Variants in BBS9 observed in about 807,000 individuals in gnomAD.
BBS9 encodes protein PTHB1.
A neutral mutation model predicts 117.7 loss-of-function variants in BBS9; 89 were observed. That is an observed-to-expected ratio of 0.76 (90% confidence interval 0.64 to 0.90). The LOEUF (loss-of-function observed/expected upper bound fraction) is 0.90. BBS9 is among the 40% of genes least tolerant of loss of function. BBS9 has a pLI of 0.00. For synonymous variants in BBS9, 379 were observed against 370.9 expected, an observed-to-expected ratio of 1.02 and a Z score of -0.25; for missense variants, 982 against 1,042.2, an observed-to-expected ratio of 0.94 and a Z score of 0.80.
At chr7:33,152,949 A>T in intron 3 of BBS9, 98 bp downstream of exon 3, 1 of 1,371,762 alleles carries the variant, frequency 7.3e-7, no homozygotes, top group South Asian at 1.2e-5. Flanking sequence ...TCCATGAATT[A>T]AATATATTTT....
Position 33,259,425 on chromosome 7 carries a change from G to A in BBS9, c.617+2015G>A, listed in dbSNP as rs555733376. On this transcript the variant is annotated intron_variant, in intron 6 of 22. Transcript: ENST00000242067. ...CCCCTAGATTTCTTTTAATAGGTTA[G>A]GGGATAAGACCCAGAAATCATCATT... 5.9e-5 allele frequency among the ~76,000 whole-genome samples: 9 copies of A among 152,248 alleles called. No individual in the cohort carries two copies. In the South Asian group the frequency reaches 1.9e-3, roughly 32 times the overall value.
chr7:33,444,242 A>G (rs1352063296), intron 19 of BBS9, among the ~76,000 whole-genome samples: 3 of 152,218 alleles, frequency 2.0e-5, no homozygotes, highest in African/African-American at 4.8e-5. Context: ...GCATCTTGAT[A>G]CCTCAAGGAT....
At chr7:33,334,444 T>C (rs1386554617) in intron 9 of BBS9, among the ~76,000 whole-genome samples, 1 of 152,058 alleles carries the variant, frequency 6.6e-6, no homozygotes, top group African/African-American at 2.4e-5. Flanking sequence ...TGAGGACTCA[T>C]TGGGTTCGTA....
intron 1 of BBS9, among the ~76,000 whole-genome samples, chr7:33,132,826 A>C (rs369642042): frequency 6.6e-6 from 1 of 152,098 alleles, no homozygotes; most frequent in Non-Finnish European, 1.5e-5. Context: ...TTTATGGCTA[A>C]TTTTTCATTT....
chr7:33,201,536 C>T (rs1785863167), intron 5 of BBS9, among the ~76,000 whole-genome samples: 1 of 152,108 alleles, frequency 6.6e-6, no homozygotes, highest in Non-Finnish European at 1.5e-5. Flanking sequence ...TTTCAGAATT[C>T]TGTGGGGTGA....
chr7:33,386,652 A>G (rs548876905), intron 18 of BBS9, among the ~76,000 whole-genome samples: 9 of 151,546 alleles, frequency 5.9e-5, no homozygotes, highest in Middle Eastern at 3.4e-3. Context: ...CACCACGCCC[A>G]GCTAATTTTT....
intron 5 of BBS9, among the ~76,000 whole-genome samples, chr7:33,246,938 G>A (rs1422045970): frequency 6.6e-6 from 1 of 152,106 alleles, no homozygotes; most frequent in Non-Finnish European, 1.5e-5. Flanking sequence ...TTTGAGGAAA[G>A]TTAACTTAAA....
chr7:33,378,540 C>T (rs1197596157), intron 17 of BBS9, among the ~76,000 whole-genome samples: 1 of 152,138 alleles, frequency 6.6e-6, no homozygotes, highest in East Asian at 1.9e-4. Flanking sequence ...TTTCGGAGAG[C>T]TCATAGGCCC....
chr7:33,406,781 G>A (rs1584697390), intron 19 of BBS9, among the ~76,000 whole-genome samples: 1 of 152,286 alleles, frequency 6.6e-6, no homozygotes, highest in South Asian at 2.1e-4. Context: ...CTTCTGGCTT[G>A]TAGAGTTTCC....
intron 19 of BBS9, among the ~76,000 whole-genome samples, chr7:33,396,836 C>T (rs1382277999): frequency 3.9e-5 from 6 of 152,130 alleles, no homozygotes. Context: ...ATAGAGAACT[C>T]AGAAATAAGA....
chr7:33,390,482 G>T (rs909384892), intron 19 of BBS9: 6 of 977,716 alleles, frequency 6.1e-6, no homozygotes, highest in Non-Finnish European at 7.3e-6. Flanking sequence ...TTAATGAAAA[G>T]AATGAATAAA....
intron 9 of BBS9, among the ~76,000 whole-genome samples, chr7:33,331,139 T>A (rs1462415507): frequency 6.6e-6 from 1 of 152,160 alleles, no homozygotes; most frequent in Admixed American, 6.5e-5. Flanking sequence ...AAATGTGATA[T>A]ATCACATAAA....
At chr7:33,505,423 T>A in intron 19 of BBS9, 40 bp from the exon 20 acceptor site, 1 of 1,604,178 alleles carries the variant, frequency 6.2e-7, no homozygotes, top group Non-Finnish European at 8.5e-7. Flanking sequence ...GGCTCAATAA[T>A]TGTGAAATTA....
chr7:33,489,822 A>ATGGTATT (rs2128991981), intron 19 of BBS9, among the ~76,000 whole-genome samples: 1 of 152,260 alleles, frequency 6.6e-6, no homozygotes, highest in East Asian at 1.9e-4. Context: ...CACTATGAAG[A>ATGGTATT]TGGTATTCTA....
intron 21 of BBS9, among the ~76,000 whole-genome samples, chr7:33,629,791 C>A (rs1326564871): frequency 1.3e-5 from 2 of 152,196 alleles, no homozygotes. Context: ...ACCATGTATT[C>A]AGCTCAATGC....
chr7:33,570,485 G>A (rs1038318839), intron 21 of BBS9, among the ~76,000 whole-genome samples: 2 of 152,192 alleles, frequency 1.3e-5, no homozygotes, highest in African/African-American at 4.8e-5. Flanking sequence ...TTTGATAAAT[G>A]AAGAAGAAAT....
chr7:33,327,635 A>G (rs1198533239), intron 9 of BBS9, among the ~76,000 whole-genome samples: 5 of 152,184 alleles, frequency 3.3e-5, no homozygotes, highest in African/African-American at 9.7e-5. Context: ...TTTGAGTTAC[A>G]GTGAGCCATT....
intron 17 of BBS9, among the ~76,000 whole-genome samples, chr7:33,374,558 A>G (rs1215750384): frequency 1.3e-5 from 2 of 152,214 alleles, no homozygotes; most frequent in Non-Finnish European, 2.9e-5. Context: ...AAGCGTTGAG[A>G]AACAATCCTT....
intron 18 of BBS9, among the ~76,000 whole-genome samples, chr7:33,384,148 C>T (rs1249577640): frequency 2.0e-5 from 3 of 152,138 alleles, no homozygotes; most frequent in African/African-American, 4.8e-5. Context: ...TTGAGCTTAT[C>T]GGAGGCCATT....
Sources: allele counts gnomAD v4.1 joint callset (sites outside exome capture counted in the v4.1 genomes callset), GRCh38; gene constraint gnomAD v4.1.1; transcripts MANE v1.5; gene names NCBI Gene and HGNC (gene_info 2026-07-23, HGNC 2026-07-21).